The following DSCAM variants were observed in gnomAD, a reference collection of about 807,000 sequenced individuals.
DSCAM encodes the protein cell adhesion molecule DSCAM.
A neutral mutation model predicts 217.7 loss-of-function variants in DSCAM; 47 were observed. That is an observed-to-expected ratio of 0.22 (90% confidence interval 0.17 to 0.28). The LOEUF is 0.28. Ranked by LOEUF, DSCAM falls within the 10% of genes least tolerant of loss-of-function variation. The pLI, the probability that DSCAM is intolerant of heterozygous loss-of-function variation, is 1.00. For missense variants in DSCAM, 2,080 were observed against 2,618.3 expected (o/e 0.79, Z 4.49); for synonymous variants, 1,056 against 1,015.3 (o/e 1.04, Z -0.76).
In DSCAM at chr21:40,338,378, T is replaced by C; in HGVS notation, c.1508-2A>G. 1 of 1,608,482 alleles carries C rather than the reference T, an allele frequency of 6.2e-7. No individual in the cohort carries two copies. The highest frequency in any genetic ancestry group is 8.5e-7 in the Non-Finnish European group (1 of 1,175,532). On this transcript the variant is annotated splice_acceptor_variant, in intron 7 of 32. Coordinates refer to ENST00000400454, the MANE Select transcript of DSCAM (RefSeq NM_001389.5). LOFTEE classifies it high-confidence loss of function. ...TCATTGGTCGAATGCTTGCAGGCCC[T>C]GGAGAGACACAAAGAAACTCTTGAA...
intron 1 of DSCAM, among the ~76,000 whole-genome samples, chr21:40,845,407 A>C (rs2092135737): frequency 6.6e-6 from 1 of 152,150 alleles, no homozygotes; most frequent in Admixed American, 6.5e-5. Flanking sequence ...AAGAAAATGC[A>C]CTGCCTTGCA....
chr21:40,606,624 C>T (rs1167846008), intron 3 of DSCAM, among the ~76,000 whole-genome samples: 6 of 152,168 alleles, frequency 3.9e-5, no homozygotes, highest in African/African-American at 1.4e-4. Context: ...GTCACACAGC[C>T]AGGAGACAGC....
intron 1 of DSCAM, among the ~76,000 whole-genome samples, chr21:40,800,107 CAT>C (rs1287645894): frequency 6.6e-6 from 1 of 152,186 alleles, no homozygotes; most frequent in East Asian, 1.9e-4. Context: ...GCATCCTCAC[CAT>C]ATGATTCCCT....
At chr21:40,686,376 CACAT>C (rs1288178534) in intron 3 of DSCAM, among the ~76,000 whole-genome samples, 8 of 151,626 alleles carry the variant, frequency 5.3e-5, no homozygotes, top group South Asian at 2.1e-4. Context: ...ACACTACACA[CACAT>C]ACAAACACAC....
Position 40,660,613 on chromosome 21 carries a change from T to C in DSCAM, c.508+32197A>G, listed in dbSNP as rs1231200565. 3.3e-5 allele frequency among the ~76,000 whole-genome samples: 5 copies of C among 152,222 alleles called. No individual in the cohort carries two copies. The South Asian group carries it at 8.3e-4, about 25-fold the overall frequency. On this transcript the variant is annotated intron_variant, in intron 3 of 32. Transcript: ENST00000400454. Reference sequence around the variant, plus strand: ...TGCTGAAGAAATCTTGAAGCATTACTGCCCCACATTCCACCGTGAGGGTGT... The same window carrying C: ...TGCTGAAGAAATCTTGAAGCATTACCGCCCCACATTCCACCGTGAGGGTGT...
intron 3 of DSCAM, among the ~76,000 whole-genome samples, chr21:40,476,186 T>G (rs2075933902): frequency 6.6e-6 from 1 of 152,160 alleles, no homozygotes; most frequent in Non-Finnish European, 1.5e-5. Context: ...CTTGTATTTC[T>G]ATAGGAGGGT....
intron 3 of DSCAM, among the ~76,000 whole-genome samples, chr21:40,579,988 T>C (rs1017642266): frequency 3.9e-5 from 6 of 152,134 alleles, no homozygotes; most frequent in African/African-American, 1.4e-4. Flanking sequence ...GGGTCCGTGC[T>C]ACACGGATCT....
intron 3 of DSCAM, among the ~76,000 whole-genome samples, chr21:40,456,067 AC>A (rs1370369435): frequency 5.3e-5 from 8 of 152,072 alleles, no homozygotes; most frequent in Non-Finnish European, 1.2e-4. Context: ...GTGCACATGT[AC>A]CCTAAAACTT....
At chr21:40,375,117 T>C (rs947282412) in intron 3 of DSCAM, among the ~76,000 whole-genome samples, 7 of 152,210 alleles carry the variant, frequency 4.6e-5, no homozygotes, top group Admixed American at 1.3e-4. Context: ...AATCATTTCT[T>C]GTCCATCATA....
At chr21:40,722,025 C>G (rs978791930) in intron 1 of DSCAM, among the ~76,000 whole-genome samples, 7 of 151,980 alleles carry the variant, frequency 4.6e-5, no homozygotes, top group East Asian at 3.9e-4. Context: ...AAATTTGAAG[C>G]ATTTTTTTAA....
intron 3 of DSCAM, among the ~76,000 whole-genome samples, chr21:40,374,481 A>G (rs749511540): frequency 5.9e-5 from 9 of 152,212 alleles, no homozygotes; most frequent in Non-Finnish European, 1.3e-4. Context: ...CTATTTCACC[A>G]CAGGCAAAAT....
At chr21:40,541,663 T>C (rs1209024764) in intron 3 of DSCAM, among the ~76,000 whole-genome samples, 1 of 152,192 alleles carries the variant, frequency 6.6e-6, no homozygotes, top group Admixed American at 6.5e-5. Context: ...CGTAAGTATA[T>C]ATAAGACCTA....
intron 3 of DSCAM, among the ~76,000 whole-genome samples, chr21:40,580,760 T>C (rs374102123): frequency 1.3e-5 from 2 of 152,080 alleles, no homozygotes; most frequent in African/African-American, 4.8e-5. Flanking sequence ...AAACACCCAA[T>C]GTACCAGAAG....
chr21:40,396,287 T>C (rs562623600), intron 3 of DSCAM, among the ~76,000 whole-genome samples: 1 of 152,294 alleles, frequency 6.6e-6, no homozygotes, highest in South Asian at 2.1e-4. Flanking sequence ...TTGTCAACCA[T>C]AACGGGTACC....
Position 40,075,230 on chromosome 21 carries a change from G to A in DSCAM, c.4712-17C>T, listed in dbSNP as rs773231541. On this transcript the variant is annotated splice_polypyrimidine_tract_variant and intron_variant, in intron 26 of 32. Transcript: ENST00000400454. ...GAATTGTACCTGAAAGCAGGGCCAC[G>A]GTGTTAGATGGCTATTAATGAAGAC... 2 of 1,613,608 alleles carry A rather than the reference G, an allele frequency of 1.2e-6. No homozygotes were observed. The highest frequency in any genetic ancestry group is 2.2e-5 in the East Asian group (1 of 44,860).
At chr21:40,620,570 A>T (rs1223696707) in intron 3 of DSCAM, among the ~76,000 whole-genome samples, 1 of 149,802 alleles carries the variant, frequency 6.7e-6, no homozygotes, top group Non-Finnish European at 1.5e-5. Context: ...AATATAATGG[A>T]AAAAAAGAAA....
intron 32 of DSCAM, among the ~76,000 whole-genome samples, chr21:40,033,815 T>C (rs1248917870): frequency 2.0e-5 from 3 of 149,904 alleles, no homozygotes; most frequent in Non-Finnish European, 3.0e-5. Flanking sequence ...GTCCTCCCAG[T>C]ACGCAGCTGG....
At chr21:40,435,989 A>G (rs1475538595) in intron 3 of DSCAM, among the ~76,000 whole-genome samples, 5 of 152,210 alleles carry the variant, frequency 3.3e-5, no homozygotes, top group Admixed American at 6.5e-5. Flanking sequence ...CACATTTTAC[A>G]AGACGGACTT....
chr21:40,576,248 G>T (rs552679228), intron 3 of DSCAM, among the ~76,000 whole-genome samples: 6 of 152,304 alleles, frequency 3.9e-5, no homozygotes, highest in African/African-American at 1.4e-4. Flanking sequence ...ACAAAGTTCT[G>T]AAATCAGCAA....
Sources: allele counts gnomAD v4.1 joint callset (sites outside exome capture counted in the v4.1 genomes callset), GRCh38; gene constraint gnomAD v4.1.1; transcripts MANE v1.5; gene names NCBI Gene and HGNC (gene_info 2026-07-23, HGNC 2026-07-21).